Variants in ATP13A4 observed in about 807,000 individuals in gnomAD.
ATP13A4 encodes probable cation-transporting ATPase 13A4.
Under a neutral mutation model 142.5 loss-of-function variants are expected in ATP13A4, and 114 were observed. The observed-to-expected ratio is 0.80, with a 90% CI of 0.69 to 0.93. The LOEUF is 0.93. ATP13A4 is among the 40% of genes least tolerant of loss of function. The pLI is 0.00. For missense variants in ATP13A4, 1,392 were observed against 1,454.0 expected (o/e 0.96, Z 0.69); for synonymous variants, 488 against 514.8 (o/e 0.95, Z 0.70).
intron 7 of ATP13A4, 98 bp from the exon 8 acceptor site, chr3:193,484,103 T>TA: frequency 9.8e-7 from 1 of 1,017,692 alleles, no homozygotes; most frequent in Non-Finnish European, 1.6e-6. Context: ...AGCACTGTCT[T>TA]ACTGCCAGTT....
At chr3:193,489,283 C>T (rs758941591) in intron 7 of ATP13A4, among the ~76,000 whole-genome samples, 1 of 151,914 alleles carries the variant, frequency 6.6e-6, no homozygotes, top group African/African-American at 2.4e-5. Flanking sequence ...TATCTAGAAA[C>T]CTGGTGTAGG....
At chr3:193,520,673 T>C (rs949851463) in intron 1 of ATP13A4, among the ~76,000 whole-genome samples, 7 of 152,206 alleles carry the variant, frequency 4.6e-5, no homozygotes, top group South Asian at 2.1e-4. Context: ...AGTCCCAGTC[T>C]TGTATACTAC....
At chr3:193,529,277 A>G (rs1424023355) in intron 1 of ATP13A4, among the ~76,000 whole-genome samples, 1 of 151,972 alleles carries the variant, frequency 6.6e-6, no homozygotes, top group Non-Finnish European at 1.5e-5. Context: ...CTCCAAAAAA[A>G]AAAAAATTGA....
chr3:193,578,343 C>CTA (rs199597589), intron 2 of ATP13A4, among the ~76,000 whole-genome samples: 68 of 143,168 alleles, frequency 4.7e-4, no homozygotes, highest in African/African-American at 1.5e-3. Context: ...ATATCTATAT[C>CTA]TATCTATCTA....
At chr3:193,505,939 G>T (rs1367006711) in intron 2 of ATP13A4, among the ~76,000 whole-genome samples, 1 of 152,146 alleles carries the variant, frequency 6.6e-6, no homozygotes, top group African/African-American at 2.4e-5. Context: ...GAAAATGGAA[G>T]TAATACCAAA....
chr3:193,447,051 A>C (rs1716997650), intron 18 of ATP13A4, among the ~76,000 whole-genome samples: 1 of 152,352 alleles, frequency 6.6e-6, no homozygotes, highest in South Asian at 2.1e-4. Flanking sequence ...CAGCGAAAAA[A>C]ATTTGTAAAC....
chr3:193,460,199 A>T (rs1457313197), intron 13 of ATP13A4, among the ~76,000 whole-genome samples: 1 of 152,158 alleles, frequency 6.6e-6, no homozygotes, highest in Non-Finnish European at 1.5e-5. Context: ...GTCGCACAGG[A>T]ACCTCCGGCT....
chr3:193,429,410 T>C (rs1715851299), intron 25 of ATP13A4, among the ~76,000 whole-genome samples: 1 of 152,044 alleles, frequency 6.6e-6, no homozygotes, highest in Admixed American at 6.6e-5. Context: ...CATCAACAAA[T>C]AAATGGATAG....
At chr3:193,495,111 T>C (rs1386844943) in intron 3 of ATP13A4, among the ~76,000 whole-genome samples, 1 of 152,050 alleles carries the variant, frequency 6.6e-6, no homozygotes, top group Non-Finnish European at 1.5e-5. Context: ...TGATAAAAAG[T>C]CTTGCATCAA....
At position 193,446,268 on chromosome 3, in the gene ATP13A4, A is replaced by G. The variant is rs1682621613; in HGVS notation, c.2152+1938T>C. On this transcript the variant is annotated intron_variant, in intron 18 of 29. Coordinates refer to ENST00000342695, the MANE Select transcript of ATP13A4 (RefSeq NM_032279.4). Reference sequence around the variant, plus strand: ...AACTACCAGAAGTAAAAATGGAAAGACAGAGAACAGAGGCAAAAATTAAAT... The same window carrying G: ...AACTACCAGAAGTAAAAATGGAAAGGCAGAGAACAGAGGCAAAAATTAAAT... 2.0e-5 allele frequency among the ~76,000 whole-genome samples: 3 copies of G among 152,352 alleles called. No individual in the cohort carries two copies. The South Asian group carries it at 6.2e-4, about 32-fold the overall frequency.
intron 26 of ATP13A4, among the ~76,000 whole-genome samples, chr3:193,414,097 A>C (rs1355706476): frequency 6.6e-6 from 1 of 152,198 alleles, no homozygotes; most frequent in Non-Finnish European, 1.5e-5. Context: ...GCCAGCAGAC[A>C]CTTAGGGAAA....
chr3:193,523,032 G>A (rs1375563411), intron 1 of ATP13A4, among the ~76,000 whole-genome samples: 1 of 151,954 alleles, frequency 6.6e-6, no homozygotes, highest in African/African-American at 2.4e-5. Flanking sequence ...GCCAGGTGTG[G>A]TGGCTTACGC....
intron 17 of ATP13A4, among the ~76,000 whole-genome samples, chr3:193,450,856 G>T (rs977807352): frequency 6.6e-6 from 1 of 152,300 alleles, no homozygotes; most frequent in Admixed American, 6.5e-5. Flanking sequence ...GAGTTGTGAG[G>T]TGGATGAAGG....
chr3:193,520,417 T>G (rs551749839), intron 1 of ATP13A4, among the ~76,000 whole-genome samples: 1 of 152,350 alleles, frequency 6.6e-6, no homozygotes, highest in East Asian at 1.9e-4. Context: ...TACATCAAGT[T>G]AATCTCTAAG....
At chr3:193,480,516 CAT>C (rs1410286795) in intron 8 of ATP13A4, among the ~76,000 whole-genome samples, 2 of 151,990 alleles carry the variant, frequency 1.3e-5, no homozygotes, top group Non-Finnish European at 2.9e-5. Context: ...GGCCAAGAAA[CAT>C]ATGAAAAAGT....
chr3:193,534,052 A>C (rs545187132), intron 1 of ATP13A4, among the ~76,000 whole-genome samples: 1 of 152,330 alleles, frequency 6.6e-6, no homozygotes, highest in South Asian at 2.1e-4. Flanking sequence ...TTAGTGAGGC[A>C]TTCCTAATTC....
chr3:193,483,955 G>T lies in ATP13A4; in HGVS notation c.789C>A (p.Val263=), dbSNP rs778354515. 1.2e-6 allele frequency: 2 copies of T among 1,606,070 alleles called. No individual in the cohort carries two copies. Among genetic ancestry groups the T allele is most frequent in the Non-Finnish European group, 1.7e-6 (2 of 1,173,028 alleles). Residue 263 remains valine (V), a synonymous_variant, in exon 8 of 30, where the codon GTC becomes GTA. Coordinates refer to ENST00000342695, the MANE Select transcript of ATP13A4 (RefSeq NM_032279.4). ...HLVESHNSIT[V]SVCGRKAGVQ... is the part of the protein sequence containing the mutation. Reference sequence around the variant, plus strand: ...ACTTACCTTTTCTCCCACATACAGAGACCGTAATGCTATTATGTGACTCGA... The same window carrying T: ...ACTTACCTTTTCTCCCACATACAGATACCGTAATGCTATTATGTGACTCGA...
At chr3:193,513,752 C>T (rs529847440) in intron 2 of ATP13A4, among the ~76,000 whole-genome samples, 25 of 152,310 alleles carry the variant, frequency 1.6e-4, no homozygotes, top group Non-Finnish European at 3.4e-4. Context: ...AAGATGGCTG[C>T]ACTTTTTACC....
At position 193,399,270 on chromosome 3, in the gene ATP13A4, C is replaced by T. The variant is rs1039621096; in HGVS notation, c.*3382G>A. 1.3e-5 allele frequency among the ~76,000 whole-genome samples: 2 copies of T among 152,136 alleles called. No individual in the cohort carries two copies. The highest frequency in any genetic ancestry group is 2.9e-5 in the Non-Finnish European group (2 of 68,028). ...AAAGTGTATTGATAACAGGTTGCTC[C>T]GCCCTCAAGTTTAGGGCACTCTCCC... On this transcript the variant is annotated 3_prime_UTR_variant, in exon 30 of 30. Transcript: ENST00000342695.
Sources: gnomAD v4.1 joint callset for allele counts (sites outside exome capture counted in the v4.1 genomes callset) on GRCh38, gnomAD v4.1.1 for gene constraint, MANE v1.5 for transcripts, NCBI Gene and HGNC (gene_info 2026-07-23, HGNC 2026-07-21) for gene names.